GOLGA4: variants seen among roughly 807,000 people sequenced by gnomAD.
GOLGA4 encodes the protein golgin subfamily A member 4.
In GOLGA4, 169 loss-of-function variants were observed where a neutral mutation model predicts 265.9. That is an observed-to-expected ratio of 0.64 (90% confidence interval 0.56 to 0.72). GOLGA4 has a LOEUF of 0.72. GOLGA4 is among the 30% of genes least tolerant of loss of function. The probability of loss-of-function intolerance (pLI) is 0.00; values close to 1 mark genes in which losing one functional copy is unlikely to be tolerated. For missense variants in GOLGA4, 2,482 were observed against 2,483.4 expected (o/e 1.00, Z 0.01); for synonymous variants, 923 against 855.8 (o/e 1.08, Z -1.37).
intron 8 of GOLGA4, 103 bp downstream of exon 8, chr3:37,299,123 G>C: frequency 9.2e-7 from 1 of 1,089,124 alleles, no homozygotes; most frequent in Non-Finnish European, 1.3e-6. Flanking sequence ...GGATGGAAAG[G>C]GCATTTTTGT....
chr3:37,275,711 C>T (rs370307197), intron 2 of GOLGA4: 19 of 1,612,042 alleles, frequency 1.2e-5, no homozygotes, highest in South Asian at 4.4e-5. Flanking sequence ...CGAAGTGGTC[C>T]GCTTTGCCAA....
chr3:37,310,733 G>T (rs1052697332), intron 10 of GOLGA4, among the ~76,000 whole-genome samples: 2 of 150,942 alleles, frequency 1.3e-5, no homozygotes, highest in African/African-American at 4.9e-5. Flanking sequence ...GTGTGTGTGT[G>T]TGTTTTTTTT....
At chr3:37,272,277 A>G (rs2096800951) in intron 2 of GOLGA4, among the ~76,000 whole-genome samples, 1 of 152,116 alleles carries the variant, frequency 6.6e-6, no homozygotes, top group African/African-American at 2.4e-5. Flanking sequence ...ATGGTTGGGC[A>G]TGGTGGCTCA....
At chr3:37,327,951 A>ATTGG in intron 14 of GOLGA4, 126 bp downstream of exon 14, 2 of 716,152 alleles carry the variant, frequency 2.8e-6, no homozygotes, top group Non-Finnish European at 4.5e-6. Flanking sequence ...TATTAAACAT[A>ATTGG]AATCCAATAT....
chr3:37,346,781 C>T (rs371285131), intron 20 of GOLGA4, among the ~76,000 whole-genome samples: 8 of 152,156 alleles, frequency 5.3e-5, no homozygotes, highest in South Asian at 2.1e-4. Context: ...TAGTAGTACA[C>T]GAGTCTCCAT....
chr3:37,312,334 A>C (rs1440940230), intron 10 of GOLGA4, among the ~76,000 whole-genome samples: 3 of 152,174 alleles, frequency 2.0e-5, no homozygotes, highest in Non-Finnish European at 4.4e-5. Flanking sequence ...GATTTTTTTA[A>C]GTGAGGGAAC....
intron 2 of GOLGA4, among the ~76,000 whole-genome samples, chr3:37,277,990 A>G (rs2096823969): frequency 1.3e-5 from 2 of 152,074 alleles, no homozygotes; most frequent in Admixed American, 1.3e-4. Flanking sequence ...ACTGGTACCG[A>G]CTCACCTCTA....
In GOLGA4 at chr3:37,251,620, T is replaced by C. The variant is rs368014385; in HGVS notation, c.162+136T>C. The stretch of plus-strand genomic sequence containing the variant: ...GGTAGAGTTTTTATTAGTAACACAA[T>C]TGGTCTTTTTTTTTTTTTTTTCACA... On this transcript the variant is annotated intron_variant, in intron 2 of 23. Coordinates refer to ENST00000361924, the MANE Select transcript of GOLGA4 (RefSeq NM_002078.5). The C allele has an allele frequency of 5.6e-4, 320 of 572,912 alleles. 5 individuals carry two copies. In the African/African-American group the frequency reaches 6.2e-3, roughly 11 times the overall value. The allele number at this position is 572,912 out of a possible 1,614,324, so 35.5% of individuals were successfully genotyped here. A position where few individuals can be genotyped will look rare whatever the true frequency, so the allele number is the denominator to read the frequency against.
chr3:37,295,348 G>A (rs762078860), intron 6 of GOLGA4, among the ~76,000 whole-genome samples: 1 of 152,068 alleles, frequency 6.6e-6, no homozygotes, highest in Non-Finnish European at 1.5e-5. Context: ...CCTCCAGAGT[G>A]GCTGGGAATA....
At chr3:37,279,295 T>C (rs2096828183) in intron 2 of GOLGA4, among the ~76,000 whole-genome samples, 1 of 152,176 alleles carries the variant, frequency 6.6e-6, no homozygotes, top group Admixed American at 6.5e-5. Flanking sequence ...ATGCCACAAG[T>C]GGAAAACTTC....
chr3:37,303,806 C>T (rs917614357), intron 10 of GOLGA4, among the ~76,000 whole-genome samples: 7 of 152,194 alleles, frequency 4.6e-5, no homozygotes, highest in African/African-American at 1.7e-4. Flanking sequence ...ACTGCTGCTA[C>T]TATTGTTAAT....
chr3:37,258,282 GATAT>G (rs558539792), intron 2 of GOLGA4, among the ~76,000 whole-genome samples: 4 of 147,758 alleles, frequency 2.7e-5, no homozygotes, highest in African/African-American at 7.5e-5. Context: ...GCATATATAT[GATAT>G]ATATAGAGCA....
intron 16 of GOLGA4, among the ~76,000 whole-genome samples, chr3:37,331,318 C>CTATTGTAT (rs1304436070): frequency 6.6e-6 from 1 of 152,104 alleles, no homozygotes; most frequent in Non-Finnish European, 1.5e-5. Flanking sequence ...TAGCTAGTGC[C>CTATTGTAT]TGCTGTATTG....
At chr3:37,262,037 A>G (rs2096771045) in intron 2 of GOLGA4, among the ~76,000 whole-genome samples, 1 of 152,334 alleles carries the variant, frequency 6.6e-6, no homozygotes, top group Non-Finnish European at 1.5e-5. Context: ...AGATTAAGAC[A>G]TATTTACTCC....
intron 17 of GOLGA4, 22 bp downstream of exon 17, chr3:37,335,188 T>A (rs1190001655): frequency 8.2e-7 from 1 of 1,225,752 alleles, no homozygotes; most frequent in Non-Finnish European, 1.2e-6. Context: ...TTGAGTTTGC[T>A]GCACATGTTT....
At position 37,243,559 on chromosome 3, in the gene GOLGA4, G is replaced by T. The variant is rs772815361; in HGVS notation, c.9G>T (p.Lys3Asn). 1 of 1,614,104 alleles carries T rather than the reference G, an allele frequency of 6.2e-7. No homozygotes were observed. Among genetic ancestry groups the T allele is most frequent in the South Asian group, 1.1e-5 (1 of 91,086 alleles). The stretch of plus-strand genomic sequence containing the variant: ...CGTACGTACGCTGCGCCATGTTCAA[G>T]AAACTGAAGCAAAAGATCAGCGAGG... MFKKLKQKISEEQ... is the reference protein window; with the variant it reads MFNKLKQKISEEQ... Residue 3 changes from lysine (K) to asparagine (N), a missense_variant, in exon 1 of 24, where the codon AAG becomes AAT. Coordinates refer to ENST00000361924, the MANE Select transcript of GOLGA4 (RefSeq NM_002078.5).
At chr3:37,357,198 A>C (rs2097093136) in intron 22 of GOLGA4, among the ~76,000 whole-genome samples, 1 of 152,152 alleles carries the variant, frequency 6.6e-6, no homozygotes, top group African/African-American at 2.4e-5. Context: ...ATTCTTCCTG[A>C]AAGAATCTTC....
In GOLGA4 at chr3:37,325,562, G is replaced by A. The variant is rs780158780; in HGVS notation, c.3676G>A (p.Ala1226Thr). 6.2e-7 allele frequency: 1 copy of A among 1,613,474 alleles called. No individual in the cohort carries two copies. Among genetic ancestry groups the A allele is most frequent in the Non-Finnish European group, 8.5e-7 (1 of 1,179,606 alleles). The change falls in exon 14 of 24, where the codon GCC (alanine) becomes ACC (threonine). Residue 1226 changes from alanine to threonine, a missense_variant. By Grantham distance (58) the Ala-to-Thr change is moderately conservative. Transcript: ENST00000361924. ...AGATATTTGCTGTAAGAAAACCGAAGCCTTATTAGAAGCTAAAACAAATGA... is the reference window on the plus strand; with the variant it reads ...AGATATTTGCTGTAAGAAAACCGAAACCTTATTAGAAGCTAAAACAAATGA... Reference protein sequence around the residue: ...QLDICCKKTEALLEAKTNELI... With the variant: ...QLDICCKKTETLLEAKTNELI...
At position 37,326,399 on chromosome 3, in the gene GOLGA4, G is replaced by A. The variant is rs774196626; in HGVS notation, c.4513G>A (p.Asp1505Asn). The A allele has an allele frequency of 2.5e-6, 4 of 1,613,094 alleles. No homozygotes were observed. The South Asian group carries it at 3.3e-5, about 13-fold the overall frequency. ...FDCLKGEMED[D>N]KSKMEKKESN... ...TTGTTTAAAGGGTGAAATGGAAGAC[G>A]ACAAGAGCAAGATGGAGAAAAAGGA... is the stretch of plus-strand genomic sequence containing the variant. Residue 1505 changes from aspartate (D) to asparagine (N), a missense_variant, in exon 14 of 24, where the codon GAC becomes AAC. Physicochemically the swap from Asp to Asn is conservative, Grantham distance 23. Transcript: ENST00000361924.
Sources: gnomAD v4.1 joint callset for allele counts (sites outside exome capture counted in the v4.1 genomes callset) on GRCh38, gnomAD v4.1.1 for gene constraint, MANE v1.5 for transcripts, NCBI Gene and HGNC (gene_info 2026-07-23, HGNC 2026-07-21) for gene names.